LOC128706666: variants seen among roughly 807,000 people sequenced by gnomAD.
chr20:10,416,255 A>G, the LOC128706666 span, among the ~76,000 whole-genome samples: 25 of 152,214 alleles, frequency 1.6e-4, no homozygotes, highest in African/African-American at 6.0e-4. Context: ...TGATTTAAAG[A>G]AAATACAAAC....
chr20:10,429,021 A>C, the LOC128706666 span, among the ~76,000 whole-genome samples: 1 of 152,008 alleles, frequency 6.6e-6, no homozygotes, highest in South Asian at 2.1e-4. Flanking sequence ...AACTATGACT[A>C]TTTTTCTCCA....
At chr20:10,414,484 C>T in the LOC128706666 span, among the ~76,000 whole-genome samples, 16 of 151,946 alleles carry the variant, frequency 1.1e-4, no homozygotes, top group Admixed American at 8.5e-4. Flanking sequence ...AGGTTGGTCT[C>T]GAACTCCTGA....
At chr20:10,415,634 A>T in the LOC128706666 span, among the ~76,000 whole-genome samples, 1 of 152,244 alleles carries the variant, frequency 6.6e-6, no homozygotes, top group African/African-American at 2.4e-5. Flanking sequence ...TGAGAAATAC[A>T]TTTAAATGAA....
At chr20:10,423,282 G>A in the LOC128706666 span, among the ~76,000 whole-genome samples, 1 of 152,142 alleles carries the variant, frequency 6.6e-6, no homozygotes, top group Non-Finnish European at 1.5e-5. Flanking sequence ...AGCTGGGCAT[G>A]GTGGCGCACG....
chr20:10,431,541 C>T, the LOC128706666 span: 5 of 151,580 alleles, frequency 3.3e-5, no homozygotes, highest in East Asian at 7.8e-4. Context: ...CCAAACCAAA[C>T]CAAACCAAAC....
the LOC128706666 span, among the ~76,000 whole-genome samples, chr20:10,432,815 AT>A: frequency 9.4e-5 from 14 of 149,602 alleles, 1 homozygote; most frequent in East Asian, 6.0e-4. Flanking sequence ...AAAAAAAAAA[AT>A]CGTGTAGTTT....
At chr20:10,421,095 C>T in the LOC128706666 span, among the ~76,000 whole-genome samples, 6 of 151,708 alleles carry the variant, frequency 4.0e-5, no homozygotes, top group Non-Finnish European at 7.4e-5. Context: ...CTCTGAGCCA[C>T]AATAGAGTAA....
the LOC128706666 span, among the ~76,000 whole-genome samples, chr20:10,428,949 C>T: frequency 6.6e-6 from 1 of 152,072 alleles, no homozygotes; most frequent in Non-Finnish European, 1.5e-5. Context: ...GGGGTTCTAA[C>T]TTCATTATCC....
the LOC128706666 span, among the ~76,000 whole-genome samples, chr20:10,414,556 T>G: frequency 6.6e-6 from 1 of 152,170 alleles, no homozygotes; most frequent in Admixed American, 6.6e-5. Context: ...TGAGCCACTG[T>G]GCCCGGCAAG....
chr20:10,430,155 A>T, the LOC128706666 span, among the ~76,000 whole-genome samples: 1 of 152,374 alleles, frequency 6.6e-6, no homozygotes, highest in South Asian at 2.1e-4. Flanking sequence ...AGAAAAATCC[A>T]CTAGGATCTA....
the LOC128706666 span, among the ~76,000 whole-genome samples, chr20:10,425,548 C>A: frequency 6.6e-6 from 1 of 152,176 alleles, no homozygotes; most frequent in Non-Finnish European, 1.5e-5. Flanking sequence ...CTGGGAGATC[C>A]AATTTGTGAA....
chr20:10,432,655 G>A, the LOC128706666 span, among the ~76,000 whole-genome samples: 1 of 151,992 alleles, frequency 6.6e-6, no homozygotes, highest in Admixed American at 6.5e-5. Flanking sequence ...TTAGCCAGGT[G>A]CAGTGGCGGG....
At chr20:10,425,858 G>T in the LOC128706666 span, among the ~76,000 whole-genome samples, 2 of 151,880 alleles carry the variant, frequency 1.3e-5, no homozygotes, top group Non-Finnish European at 2.9e-5. Flanking sequence ...TTTCTTTCCT[G>T]AATCTTCTTT....
the LOC128706666 span, among the ~76,000 whole-genome samples, chr20:10,430,486 T>C: frequency 6.6e-6 from 1 of 152,194 alleles, no homozygotes; most frequent in African/African-American, 2.4e-5. Context: ...AAAAAAACAT[T>C]ACTGGAATTA....
the LOC128706666 span, among the ~76,000 whole-genome samples, chr20:10,429,313 T>C: frequency 6.6e-6 from 1 of 152,208 alleles, no homozygotes; most frequent in Admixed American, 6.5e-5. Context: ...CTTAGTCTCC[T>C]TTAATAGCCT....
the LOC128706666 span, among the ~76,000 whole-genome samples, chr20:10,426,102 CA>C: frequency 6.6e-6 from 1 of 152,122 alleles, no homozygotes; most frequent in African/African-American, 2.4e-5. Flanking sequence ...TCATATTTTT[CA>C]TTTTGTTTTG....
At chr20:10,419,904 A>C in the LOC128706666 span, among the ~76,000 whole-genome samples, 1 of 152,224 alleles carries the variant, frequency 6.6e-6, no homozygotes. Context: ...CAGGTAACTG[A>C]AACTGCAGAA....
At chr20:10,422,553 C>G in the LOC128706666 span, among the ~76,000 whole-genome samples, 1 of 152,066 alleles carries the variant, frequency 6.6e-6, no homozygotes, top group African/African-American at 2.4e-5. Context: ...GAGGCTGCAC[C>G]AAAGGTCAGC....
chr20:10,417,199 C>T, the LOC128706666 span, among the ~76,000 whole-genome samples: 4 of 148,880 alleles, frequency 2.7e-5, no homozygotes, highest in African/African-American at 7.5e-5. Flanking sequence ...TGCAGTGAGC[C>T]GACATCACCC....
Sources: allele counts gnomAD v4.1 joint callset (sites outside exome capture counted in the v4.1 genomes callset), GRCh38; gene constraint gnomAD v4.1.1; transcripts MANE v1.5.